Variants in TNRC6C observed in about 807,000 individuals in gnomAD.
The protein encoded by TNRC6C is trinucleotide repeat-containing gene 6C protein.
A neutral mutation model predicts 153.7 loss-of-function variants in TNRC6C; 20 were observed. That is an observed-to-expected ratio of 0.13 (90% CI 0.09 to 0.19). The LOEUF is 0.19. Ranked by LOEUF, TNRC6C falls within the 10% of genes least tolerant of loss-of-function variation. The pLI is 1.00. For synonymous variants in TNRC6C, 811 were observed against 841.4 expected (o/e 0.96, Z 0.63); for missense variants, 1,987 against 2,172.0 (o/e 0.91, Z 1.69).
upstream of TNRC6C, among the ~76,000 whole-genome samples, chr17:78,003,971 A>G (rs888160601): frequency 6.6e-6 from 1 of 152,226 alleles, no homozygotes; most frequent in Non-Finnish European, 1.5e-5. Context: ...GACTGAATGA[A>G]TGAGACAGCC....
chr17:77,977,732 C>G (rs191150526), intron 1 of TNRC6C, among the ~76,000 whole-genome samples: 280 of 152,114 alleles, frequency 1.8e-3, no homozygotes, highest in Admixed American at 2.9e-3. Flanking sequence ...ACAGGGACAG[C>G]TTTCCAGTTT....
chr17:78,048,405 A>G (rs575322423), intron 2 of TNRC6C, among the ~76,000 whole-genome samples: 1 of 152,324 alleles, frequency 6.6e-6, no homozygotes, highest in Non-Finnish European at 1.5e-5. Flanking sequence ...TTTCGCCTCT[A>G]TATAATACTG....
At chr17:78,102,480 C>G in exon 18 of TNRC6C, 1 of 1,606,928 alleles carries the variant, frequency 6.2e-7, no homozygotes, top group Non-Finnish European at 8.5e-7. Context: ...GCAGGTTCTG[C>G]CTGGAGCACC....
chr17:78,105,691 G>A (rs2073681949), exon 20 of TNRC6C: 1 of 152,204 alleles, frequency 6.6e-6, no homozygotes, highest in African/African-American at 2.4e-5. Flanking sequence ...AGTTTTCTGT[G>A]TTTGTGTGTT....
chr17:78,001,027 G>A (rs921988376), upstream of TNRC6C, among the ~76,000 whole-genome samples: 2 of 152,094 alleles, frequency 1.3e-5, no homozygotes, highest in Non-Finnish European at 2.9e-5. Context: ...TAGGAACACC[G>A]AAATGATACC....
rs1038534764 is a variant in TNRC6C, at chr17:78,104,326, G to A, written c.4713-159G>A. Among the ~76,000 whole-genome samples, 1 of 152,200 alleles carries A rather than the reference G, an allele frequency of 6.6e-6. No homozygotes were observed. Among genetic ancestry groups the A allele is most frequent in the Non-Finnish European group, 1.5e-5 (1 of 68,040 alleles). On this transcript the variant is annotated intron_variant, in intron 19 of 19. Coordinates refer to ENST00000301624, the Ensembl canonical transcript of TNRC6C. This position sits in a 1 kb window ranked among gnomAD's most constrained non-coding sequence, Gnocchi z 6.2. ...TGTTGCCACTAGAAGTCTGAACTGA[G>A]CAAAACATTCACAGTCTGGGTTTGG...
upstream of TNRC6C, among the ~76,000 whole-genome samples, chr17:78,001,752 T>C (rs1031153299): frequency 2.0e-5 from 3 of 151,988 alleles, no homozygotes; most frequent in Non-Finnish European, 4.4e-5. Flanking sequence ...AACAAAGATA[T>C]GAATCTAGGT....
chr17:78,040,897 G>C (rs957228964), intron 2 of TNRC6C: 6 of 152,184 alleles, frequency 3.9e-5, no homozygotes, highest in Non-Finnish European at 8.8e-5. Context: ...GCATTGCCCA[G>C]CCCTGCCCGG....
chr17:78,038,198 T>C (rs961297984), intron 2 of TNRC6C, among the ~76,000 whole-genome samples: 2 of 152,230 alleles, frequency 1.3e-5, no homozygotes, highest in African/African-American at 2.4e-5. Flanking sequence ...AAAAGTTTTG[T>C]ACATGAATAT....
At chr17:78,024,889 G>A (rs190896600) in intron 1 of TNRC6C, among the ~76,000 whole-genome samples, 1 of 151,676 alleles carries the variant, frequency 6.6e-6, no homozygotes, top group Non-Finnish European at 1.5e-5. Context: ...CTGCCTCCAG[G>A]TTCAAGCAAC....
intron 1 of TNRC6C, among the ~76,000 whole-genome samples, chr17:78,026,803 C>T (rs1174994585): frequency 6.6e-6 from 1 of 152,074 alleles, no homozygotes; most frequent in Non-Finnish European, 1.5e-5. Context: ...TTACAGTACT[C>T]CAGCTAAGAG....
chr17:78,096,441 A>G (rs1048706310), intron 16 of TNRC6C, among the ~76,000 whole-genome samples: 2 of 152,258 alleles, frequency 1.3e-5, no homozygotes, highest in Non-Finnish European at 2.9e-5. Context: ...ATAAAAGTGA[A>G]GACCTGCAGA....
intron 1 of TNRC6C, among the ~76,000 whole-genome samples, chr17:78,009,765 G>A (rs992265562): frequency 6.6e-6 from 1 of 152,160 alleles, no homozygotes; most frequent in Non-Finnish European, 1.5e-5. Context: ...ATGTTTGCCA[G>A]GATAGTCTTA....
chr17:77,986,686 A>G (rs1363719987), intron 1 of TNRC6C, among the ~76,000 whole-genome samples: 2 of 152,204 alleles, frequency 1.3e-5, no homozygotes, highest in Admixed American at 6.5e-5. Flanking sequence ...TGAAACTGGA[A>G]TAATTTAAAT....
intron 11 of TNRC6C, among the ~76,000 whole-genome samples, chr17:78,083,702 A>G (rs1044994493): frequency 1.3e-5 from 2 of 152,264 alleles, no homozygotes; most frequent in African/African-American, 2.4e-5. Context: ...GCTTTATTAC[A>G]TATAGTAGAT....
At chr17:78,073,179 A>T (rs748461234) in intron 7 of TNRC6C, 85 bp downstream of exon 9, 67 of 1,191,548 alleles carry the variant, frequency 5.6e-5, no homozygotes, top group Non-Finnish European at 7.9e-5. Flanking sequence ...TCATGGTTTA[A>T]TGGTTAATAT....
chr17:78,067,827 G>A (rs1320379888), exon 5 of TNRC6C: 11 of 1,613,828 alleles, frequency 6.8e-6, no homozygotes, highest in African/African-American at 1.3e-5. Flanking sequence ...GCCAGTGGGA[G>A]GATGAAGAAG....
At chr17:78,039,891 C>A (rs1039883741) in intron 2 of TNRC6C, among the ~76,000 whole-genome samples, 1 of 152,150 alleles carries the variant, frequency 6.6e-6, no homozygotes. Context: ...ACAAGAGTGG[C>A]GGAAATGTAG....
intron 2 of TNRC6C, among the ~76,000 whole-genome samples, chr17:78,046,216 G>C (rs1007445904): frequency 1.4e-5 from 2 of 144,934 alleles, no homozygotes; most frequent in Admixed American, 1.4e-4. Flanking sequence ...GAGTCTCACT[G>C]TGTTGCCCAG....
Sources: allele counts gnomAD v4.1 joint callset (sites outside exome capture counted in the v4.1 genomes callset), GRCh38; gene constraint gnomAD v4.1.1; non-coding constraint Gnocchi (gnomAD v3.1); transcripts MANE v1.5; gene names NCBI Gene and HGNC (gene_info 2026-07-23, HGNC 2026-07-21).